The following GABRG3 variants were observed in gnomAD, a reference collection of about 807,000 sequenced individuals.
GABRG3 encodes gamma-aminobutyric acid receptor subunit gamma-3.
GABRG3 carries 25 observed loss-of-function variants against 48.8 expected under a neutral mutation model. That is an observed-to-expected ratio of 0.51 (90% CI 0.37 to 0.72). GABRG3 has a LOEUF of 0.72. Ranked by LOEUF, GABRG3 falls within the 30% of genes least tolerant of loss-of-function variation. GABRG3 has a pLI of 0.00. For synonymous variants in GABRG3, 227 were observed against 217.6 expected (o/e 1.04, Z -0.38); for missense variants, 394 against 577.9 (o/e 0.68, Z 3.26).
chr15:27,270,808 A>G (rs1285057789), intron 3 of GABRG3, among the ~76,000 whole-genome samples: 1 of 152,178 alleles, frequency 6.6e-6, no homozygotes, highest in Non-Finnish European at 1.5e-5. Flanking sequence ...TACAGCTTAT[A>G]CGTGCACTGA....
intron 3 of GABRG3, among the ~76,000 whole-genome samples, chr15:27,070,021 G>A (rs1343642753): frequency 6.6e-6 from 1 of 152,200 alleles, no homozygotes; most frequent in African/African-American, 2.4e-5. Context: ...GAAGAGAAGT[G>A]AATTAGAGAG....
chr15:27,527,416 A>C lies in GABRG3; in HGVS notation c.866-17A>C. ...GTGTTGCACCCTTTTACAACATGCT[A>C]CCCGTCCCCTGTTCAGGCATCACCA... On this transcript the variant is annotated splice_polypyrimidine_tract_variant and intron_variant, in intron 7 of 9. Transcript: ENST00000615808. 6.2e-7 allele frequency: 1 copy of C among 1,609,646 alleles called. No homozygotes were observed. Among genetic ancestry groups the C allele is most frequent in the South Asian group, 1.1e-5 (1 of 90,790 alleles).
intron 5 of GABRG3, among the ~76,000 whole-genome samples, chr15:27,451,750 C>G (rs935271088): frequency 9.2e-5 from 14 of 152,104 alleles, no homozygotes; most frequent in South Asian, 2.1e-4. Context: ...CAAAGAAAAT[C>G]TATGGATTGG....
At chr15:27,102,468 T>C (rs1897378522) in intron 3 of GABRG3, among the ~76,000 whole-genome samples, 1 of 152,198 alleles carries the variant, frequency 6.6e-6, no homozygotes, top group Admixed American at 6.5e-5. Flanking sequence ...CAGATCATAA[T>C]ACTAATATTA....
chr15:27,454,117 A>C (rs556931549), intron 5 of GABRG3, among the ~76,000 whole-genome samples: 1 of 152,352 alleles, frequency 6.6e-6, no homozygotes, highest in African/African-American at 2.4e-5. Flanking sequence ...GTCTTGCACA[A>C]GGTCAATTTG....
At chr15:27,444,388 A>C (rs1888880452) in intron 5 of GABRG3, among the ~76,000 whole-genome samples, 1 of 152,202 alleles carries the variant, frequency 6.6e-6, no homozygotes, top group Non-Finnish European at 1.5e-5. Context: ...TTTAACCACT[A>C]TTAAATATTA....
At chr15:27,335,615 A>T (rs1337382342) in intron 5 of GABRG3, among the ~76,000 whole-genome samples, 3 of 152,092 alleles carry the variant, frequency 2.0e-5, no homozygotes, top group African/African-American at 7.2e-5. Context: ...CACCTCCATG[A>T]GGTATCTAGA....
intron 3 of GABRG3, among the ~76,000 whole-genome samples, chr15:27,308,625 A>G (rs921183169): frequency 4.2e-4 from 45 of 108,372 alleles, no homozygotes; most frequent in Non-Finnish European, 9.0e-4. Context: ...GCTTATATAT[A>G]AACATATAAT....
chr15:27,267,415 C>T (rs1021999845), intron 3 of GABRG3, among the ~76,000 whole-genome samples: 2 of 150,722 alleles, frequency 1.3e-5, no homozygotes, highest in Non-Finnish European at 2.9e-5. Flanking sequence ...CCATCTTTTA[C>T]CTTTAGAGTA....
intron 3 of GABRG3, among the ~76,000 whole-genome samples, chr15:27,248,263 G>A (rs1028307876): frequency 4.6e-5 from 7 of 152,216 alleles, no homozygotes; most frequent in South Asian, 2.1e-4. Flanking sequence ...AGGACCTCGC[G>A]CCCTCCTAGG....
intron 5 of GABRG3, among the ~76,000 whole-genome samples, chr15:27,385,470 G>A (rs72703847): frequency 0.097 from 14,682 of 151,636 alleles, 789 homozygotes; most frequent in East Asian, 0.18. Context: ...TCTCCTTCGC[G>A]TCTCTCCTCT....
chr15:27,360,414 G>A (rs1041480316), intron 5 of GABRG3, among the ~76,000 whole-genome samples: 4 of 152,196 alleles, frequency 2.6e-5, no homozygotes, highest in Non-Finnish European at 4.4e-5. Flanking sequence ...ATGGAGCCCT[G>A]TATTTTACCT....
chr15:27,445,096 C>T (rs1888904307), intron 5 of GABRG3, among the ~76,000 whole-genome samples: 1 of 152,172 alleles, frequency 6.6e-6, no homozygotes, highest in African/African-American at 2.4e-5. Flanking sequence ...TGGTCTCGAA[C>T]TCCTGACCTG....
intron 6 of GABRG3, among the ~76,000 whole-genome samples, chr15:27,516,207 T>G (rs1891015329): frequency 6.6e-6 from 1 of 152,116 alleles, no homozygotes; most frequent in Admixed American, 6.5e-5. Flanking sequence ...AACATAAAGT[T>G]TAGTAAAATG....
chr15:27,149,701 C>T (rs1282794981), intron 3 of GABRG3, among the ~76,000 whole-genome samples: 1 of 152,172 alleles, frequency 6.6e-6, no homozygotes, highest in Non-Finnish European at 1.5e-5. Flanking sequence ...GGTTGTATCA[C>T]ATCTCAGATT....
intron 3 of GABRG3, among the ~76,000 whole-genome samples, chr15:27,312,075 A>G (rs1265559724): frequency 1.3e-5 from 2 of 152,192 alleles, no homozygotes; most frequent in Non-Finnish European, 2.9e-5. Context: ...AAGGAGAACA[A>G]TTAATGGATA....
intron 5 of GABRG3, among the ~76,000 whole-genome samples, chr15:27,444,813 C>T (rs144329600): frequency 6.6e-6 from 1 of 152,104 alleles, no homozygotes; most frequent in African/African-American, 2.4e-5. Context: ...TTTGCTCATT[C>T]ATCAATTGAT....
At chr15:27,038,940 C>T (rs148155637) in intron 3 of GABRG3, among the ~76,000 whole-genome samples, 5 of 152,256 alleles carry the variant, frequency 3.3e-5, no homozygotes, top group Admixed American at 6.5e-5. Context: ...AGCAAGGTGG[C>T]GCCTTATCAA....
chr15:27,082,061 A>T (rs1897001470), intron 3 of GABRG3, among the ~76,000 whole-genome samples: 1 of 152,150 alleles, frequency 6.6e-6, no homozygotes, highest in African/African-American at 2.4e-5. Context: ...TTACAAATAA[A>T]ATGCCTCACT....
Sources: allele counts gnomAD v4.1 joint callset (sites outside exome capture counted in the v4.1 genomes callset), GRCh38; gene constraint gnomAD v4.1.1; transcripts MANE v1.5; gene names NCBI Gene and HGNC (gene_info 2026-07-23, HGNC 2026-07-21).